Variants in DDX3X observed in about 807,000 individuals in gnomAD.
DDX3X encodes ATP-dependent RNA helicase DDX3X.
Under a neutral mutation model 52.7 loss-of-function variants are expected in DDX3X, and 4 were observed. That is an observed-to-expected ratio of 0.08 (90% confidence interval 0.04 to 0.17). The LOEUF (loss-of-function observed/expected upper bound fraction) is 0.17, where lower values mean the gene tolerates loss of function less well. DDX3X is among the 10% of genes least tolerant of loss of function. DDX3X has a pLI of 1.00. For missense variants in DDX3X, 222 were observed against 548.6 expected (o/e 0.40, Z 5.95); for synonymous variants, 192 against 178.1 (o/e 1.08, Z -0.62).
intron 5 of DDX3X, among the ~76,000 whole-genome samples, chrX:41,356,061 A>C (rs2064007558): frequency 1.8e-5 from 2 of 111,119 alleles, no homozygotes; most frequent in Non-Finnish European, 3.8e-5. Flanking sequence ...TTTTCATCTT[A>C]AAAAGGTCTT....
Position 41,347,848 on chromosome X carries a change from T to C in DDX3X, c.*129T>C. On this transcript the variant is annotated 3_prime_UTR_variant, in exon 17 of 17. Coordinates refer to ENST00000644876, the MANE Select transcript of DDX3X (RefSeq NM_001356.5). The stretch of plus-strand genomic sequence containing the variant: ...ACCAGCTGTGATTCTCCACTGAAAT[T>C]TTTTTTTTAAGGGAGCTCAAGGTCA... 2.1e-6 allele frequency: 1 copy of C among 468,667 alleles called. No homozygotes were observed. The highest frequency in any genetic ancestry group is 3.6e-6 in the Non-Finnish European group (1 of 279,810). 38.6% of individuals were successfully genotyped at this position (468,667 alleles called of 1,213,427 possible).
At chrX:41,336,975 T>TA (rs2147339704) in intron 1 of DDX3X, among the ~76,000 whole-genome samples, 1 of 112,265 alleles carries the variant, frequency 8.9e-6, no homozygotes, top group East Asian at 2.8e-4. Context: ...TATCAAGTAT[T>TA]ACGGAAAGTT....
chrX:41,334,559 G>A, intron 1 of DDX3X: 2 of 1,094,136 alleles, frequency 1.8e-6, no homozygotes, highest in Non-Finnish European at 2.4e-6. Flanking sequence ...CGGGCGGAGG[G>A]GGAGGAAGTG....
chrX:41,348,016 TGTTA>T lies in DDX3X; in HGVS notation c.*298_*301del. ...ATTTTGTGACTGAGGATCATTTGTTTGTTAATGTACTGTGCCTTTAACTTTAGAC... is the reference window on the plus strand; with the variant it reads ...ATTTTGTGACTGAGGATCATTTGTTTATGTACTGTGCCTTTAACTTTAGAC... On this transcript the variant is annotated 3_prime_UTR_variant, in exon 17 of 17. Coordinates refer to ENST00000644876, the MANE Select transcript of DDX3X (RefSeq NM_001356.5). 2.9e-6 allele frequency: 1 copy of T among 340,904 alleles called. No homozygotes were observed. The highest frequency in any genetic ancestry group is 5.0e-6 in the Non-Finnish European group (1 of 198,957). The allele number at this position is 340,904 out of a possible 1,213,427, so 28.1% of individuals were successfully genotyped here.
chrX:41,363,235 G>C (rs1174998423), intron 5 of DDX3X, among the ~76,000 whole-genome samples: 1 of 110,021 alleles, frequency 9.1e-6, no homozygotes, highest in East Asian at 2.9e-4. Flanking sequence ...GACCAGCCTG[G>C]CCAGCATGGT....
At chrX:41,359,265 C>T (rs1489449799) in intron 5 of DDX3X, among the ~76,000 whole-genome samples, 1 of 112,267 alleles carries the variant, frequency 8.9e-6, no homozygotes, top group Non-Finnish European at 1.9e-5. Flanking sequence ...ATCTCTTTTA[C>T]TTATTTTCTA....
chrX:41,334,569 G>C, intron 1 of DDX3X: 1 of 1,090,470 alleles, frequency 9.2e-7, no homozygotes, highest in Non-Finnish European at 1.2e-6. Context: ...GGGAGGAAGT[G>C]CGCGCGCTCT....
chrX:41,351,082 G>A (rs1293003100), downstream of DDX3X: 2 of 111,467 alleles, frequency 1.8e-5, no homozygotes, highest in Non-Finnish European at 3.8e-5. Context: ...CTTGAGTCTC[G>A]ATTTAGTCAA....
At chrX:41,341,675 T>C in intron 4 of DDX3X, 59 bp downstream of exon 4, 2 of 1,079,998 alleles carry the variant, frequency 1.9e-6, no homozygotes, top group Non-Finnish European at 2.5e-6. Flanking sequence ...TAAGTCGTTA[T>C]CCTGACCACC....
intron 6 of DDX3X, 71 bp from the exon 7 acceptor site, chrX:41,343,142 GGTT>G: frequency 9.4e-7 from 1 of 1,065,988 alleles, no homozygotes; most frequent in East Asian, 3.0e-5. Context: ...GCTGTTGGTT[GGTT>G]GTTTCCATTA....
rs2063731278 is a variant in DDX3X, at chrX:41,334,602, TC to T, written c.45+308del. The T allele has an allele frequency of 4.6e-6, 5 of 1,083,866 alleles. No homozygotes were observed. The African/African-American group carries it at 9.2e-5, about 20-fold the overall frequency. 89.3% of individuals were successfully genotyped at this position (1,083,866 alleles called of 1,213,427 possible). On this transcript the variant is annotated intron_variant, in intron 1 of 16. Transcript: ENST00000644876. Reference sequence around the variant, plus strand: ...TCTCGCGGGGACGCGCATGCGCGAATCCCGACTGATTAGTGACCTGGGGGGG... The same window carrying T: ...TCTCGCGGGGACGCGCATGCGCGAATCCGACTGATTAGTGACCTGGGGGGG...
intron 5 of DDX3X, among the ~76,000 whole-genome samples, chrX:41,356,603 C>T (rs969725611): frequency 7.6e-4 from 82 of 107,603 alleles, no homozygotes; most frequent in Admixed American, 1.9e-3. Context: ...GGACTACAGG[C>T]GCACACCACC....
chrX:41,334,356 C>G (rs1027871352), intron 1 of DDX3X, 59 bp downstream of exon 1: 1 of 1,185,408 alleles, frequency 8.4e-7, no homozygotes, highest in East Asian at 3.0e-5. Flanking sequence ...CTGACCTAAC[C>G]TGGCTAATGG....
chrX:41,333,898 T>A (rs927514334), upstream of DDX3X: 1 of 179,505 alleles, frequency 5.6e-6, no homozygotes, highest in Non-Finnish European at 1.0e-5. Context: ...AGGCTGAGAC[T>A]AGGGTTTTAG....
intron 5 of DDX3X, among the ~76,000 whole-genome samples, chrX:41,361,198 A>G (rs2064028380): frequency 9.3e-6 from 1 of 107,749 alleles, no homozygotes; most frequent in South Asian, 4.1e-4. Flanking sequence ...AGCTTTTGTC[A>G]TCCCAACGAA....
chrX:41,345,374 A>G (rs1415548741), intron 11 of DDX3X, 30 bp from the exon 12 acceptor site: 6 of 1,194,984 alleles, frequency 5.0e-6, no homozygotes, highest in Non-Finnish European at 6.7e-6. Context: ...TGTTTATCTC[A>G]GGTAATAATA....
Position 41,347,365 on chromosome X carries a change from C to T in DDX3X, c.1823C>T (p.Ala608Val). The T allele has an allele frequency of 1.7e-6, 2 of 1,211,300 alleles. No homozygotes were observed. The highest frequency in any genetic ancestry group is 2.2e-6 in the Non-Finnish European group (2 of 895,207). ...GARDYRQSSG[A>V]SSSSFSSSRA... is the part of the protein sequence containing the mutation. ...AGAGACTACCGACAAAGTAGCGGTG[C>T]CAGCAGTTCCAGCTTCAGCAGCAGC... The change falls in exon 16 of 17, where the codon GCC (alanine) becomes GTC (valine). Residue 608 changes from alanine (A) to valine (V), a missense_variant. Coordinates refer to ENST00000644876, the MANE Select transcript of DDX3X (RefSeq NM_001356.5).
At chrX:41,358,360 G>A (rs1039362713) in intron 5 of DDX3X, among the ~76,000 whole-genome samples, 5 of 110,407 alleles carry the variant, frequency 4.5e-5, no homozygotes, top group Admixed American at 3.9e-4. Flanking sequence ...ACAGGTGTGA[G>A]CCACCGTGCC....
intron 3 of DDX3X, 53 bp downstream of exon 3, chrX:41,339,136 T>C (rs1480867027): frequency 4.2e-6 from 3 of 719,730 alleles, no homozygotes; most frequent in Admixed American, 7.4e-5. Flanking sequence ...CTTTAGAAGT[T>C]AGTAAAGCCT....
Sources: allele counts gnomAD v4.1 joint callset (sites outside exome capture counted in the v4.1 genomes callset), GRCh38; gene constraint gnomAD v4.1.1; transcripts MANE v1.5; gene names NCBI Gene and HGNC (gene_info 2026-07-23, HGNC 2026-07-21).